The following IQCH variants were observed in gnomAD, a reference collection of about 807,000 sequenced individuals.
IQCH encodes the protein IQ motif containing H.
A neutral mutation model predicts 117.0 loss-of-function variants in IQCH; 98 were observed. The observed-to-expected ratio is 0.84, with a 90% CI of 0.71 to 0.99. The LOEUF (loss-of-function observed/expected upper bound fraction) is 0.99, where lower values mean the gene tolerates loss of function less well. IQCH is among the 50% of genes least tolerant of loss of function. IQCH has a pLI of 0.00. For missense variants in IQCH, 1,102 were observed against 1,243.8 expected (o/e 0.89, Z 1.72); for synonymous variants, 412 against 448.2 (o/e 0.92, Z 1.02).
chr15:67,469,171 T>C (rs2083009220), intron 17 of IQCH, among the ~76,000 whole-genome samples: 1 of 152,054 alleles, frequency 6.6e-6, no homozygotes, highest in Non-Finnish European at 1.5e-5. Context: ...ACCTCTGAAA[T>C]TCCCACCTAT....
intron 4 of IQCH, among the ~76,000 whole-genome samples, chr15:67,323,166 A>G (rs1968222138): frequency 1.3e-5 from 2 of 148,622 alleles, no homozygotes; most frequent in Non-Finnish European, 1.5e-5. Context: ...TATCACAACT[A>G]TCTTTCTATT....
chr15:67,292,841 G>T (rs1392715126), intron 4 of IQCH, among the ~76,000 whole-genome samples: 1 of 152,052 alleles, frequency 6.6e-6, no homozygotes, highest in African/African-American at 2.4e-5. Context: ...TATTTAGATT[G>T]CCCCAGTTAT....
chr15:67,261,191 T>G, intron 1 of IQCH, 81 bp from the exon 2 acceptor site: 1 of 1,014,580 alleles, frequency 9.9e-7, no homozygotes, highest in Non-Finnish European at 1.4e-6. Context: ...TCAAGTACAT[T>G]GCAAACCTTT....
intron 16 of IQCH, among the ~76,000 whole-genome samples, chr15:67,434,340 T>C (rs2082082781): frequency 6.6e-6 from 1 of 152,226 alleles, no homozygotes; most frequent in African/African-American, 2.4e-5. Flanking sequence ...TATTTGTCTT[T>C]CTGTGTCTGG....
Position 67,393,647 on chromosome 15 carries a change from G to A in IQCH, c.1633-1644G>A, listed in dbSNP as rs975506083. ...GCAATTCTCCTGCCTCAGGCTTTTA[G>A]TAGCTGGGACCACAGGTGTGTACCA... On this transcript the variant is annotated intron_variant, in intron 12 of 20. Transcript: ENST00000335894. This position sits in a 1 kb window ranked among gnomAD's most constrained non-coding sequence, Gnocchi z 5.5. Among the ~76,000 whole-genome samples, 10 of 151,914 alleles carry A rather than the reference G, an allele frequency of 6.6e-5. No homozygotes were observed. Among genetic ancestry groups the A allele is most frequent in the Non-Finnish European group, 1.3e-4 (9 of 67,982 alleles).
At chr15:67,284,778 AT>A (rs1966497805) in intron 4 of IQCH, among the ~76,000 whole-genome samples, 1 of 152,066 alleles carries the variant, frequency 6.6e-6, no homozygotes. Context: ...TCCCTGCAAA[AT>A]ACATGGTCTC....
At chr15:67,266,174 T>C (rs1021137834) in intron 3 of IQCH, among the ~76,000 whole-genome samples, 2 of 150,592 alleles carry the variant, frequency 1.3e-5, no homozygotes, top group African/African-American at 4.9e-5. Flanking sequence ...GTGAATACAT[T>C]ATAAAATGTA....
At position 67,476,085 on chromosome 15, in the gene IQCH, G is replaced by A. The variant is rs2083195736; in HGVS notation, c.2799+267G>A. On this transcript the variant is annotated intron_variant, in intron 18 of 20. Coordinates refer to ENST00000335894, the MANE Select transcript of IQCH (RefSeq NM_001031715.3). The surrounding 1 kb of genome is among the most constrained non-coding windows in gnomAD (Gnocchi z 4.1). ...CCATGCAAGCTCTCCAGACTTAGGAGGCATTTTGGGGACCACCTCATGATC... is the reference window on the plus strand; with the variant it reads ...CCATGCAAGCTCTCCAGACTTAGGAAGCATTTTGGGGACCACCTCATGATC... Among the ~76,000 whole-genome samples the A allele has an allele frequency of 6.6e-6, 1 of 152,228 alleles. No individual in the cohort carries two copies.
intron 14 of IQCH, among the ~76,000 whole-genome samples, chr15:67,410,210 T>G (rs1280348676): frequency 1.3e-5 from 2 of 152,212 alleles, no homozygotes; most frequent in African/African-American, 2.4e-5. Flanking sequence ...AAGTTTCAAG[T>G]AACAGAAAAC....
intron 17 of IQCH, among the ~76,000 whole-genome samples, chr15:67,470,478 G>A (rs780282333): frequency 2.6e-5 from 4 of 152,042 alleles, no homozygotes; most frequent in Non-Finnish European, 5.9e-5. Context: ...GCGCCTGGCT[G>A]GAGTCTTAGA....
chr15:67,279,278 C>A (rs1004446963), intron 3 of IQCH, 117 bp from the exon 4 acceptor site: 22 of 614,072 alleles, frequency 3.6e-5, no homozygotes, highest in Admixed American at 6.6e-5. Flanking sequence ...TTGTAATTAC[C>A]AATAGAATAT....
At chr15:67,440,890 A>C (rs995052824) in intron 16 of IQCH, among the ~76,000 whole-genome samples, 1 of 152,134 alleles carries the variant, frequency 6.6e-6, no homozygotes, top group Non-Finnish European at 1.5e-5. Flanking sequence ...GAAAGAAATA[A>C]AGGGCATCCA....
Position 67,457,021 on chromosome 15 carries a change from A to T in IQCH, c.2506-8106A>T, listed in dbSNP as rs2082673914. Among the ~76,000 whole-genome samples, 1 of 152,196 alleles carries T rather than the reference A, an allele frequency of 6.6e-6. No homozygotes were observed. The highest frequency in any genetic ancestry group is 6.5e-5 in the Admixed American group (1 of 15,280). On this transcript the variant is annotated intron_variant, in intron 16 of 20. Coordinates refer to ENST00000335894, the MANE Select transcript of IQCH (RefSeq NM_001031715.3). This position sits in a 1 kb window ranked among gnomAD's most constrained non-coding sequence, Gnocchi z 5.7. Reference sequence around the variant, plus strand: ...GACAGAGGGGAAGGCCTCTAAGCTGAAAACCAAGAGGCTCAATTGCTGACC... The same window carrying T: ...GACAGAGGGGAAGGCCTCTAAGCTGTAAACCAAGAGGCTCAATTGCTGACC...
intron 4 of IQCH, among the ~76,000 whole-genome samples, chr15:67,334,145 G>T (rs1968789120): frequency 6.6e-6 from 1 of 152,040 alleles, no homozygotes. Flanking sequence ...TGAGAAACTA[G>T]CTAGAAGGGA....
At chr15:67,289,894 C>T (rs1442377924) in intron 4 of IQCH, among the ~76,000 whole-genome samples, 1 of 152,040 alleles carries the variant, frequency 6.6e-6, no homozygotes, top group Non-Finnish European at 1.5e-5. Flanking sequence ...ATATATTACA[C>T]AAACTTTCAT....
intron 16 of IQCH, among the ~76,000 whole-genome samples, chr15:67,451,301 T>G (rs1384894021): frequency 6.6e-6 from 1 of 152,186 alleles, no homozygotes; most frequent in Non-Finnish European, 1.5e-5. Context: ...TTCTAGTTCT[T>G]TTAATTGTGA....
At position 67,369,159 on chromosome 15, in the gene IQCH, AT is replaced by A. The variant is rs1209345261; in HGVS notation, c.754-2949del. On this transcript the variant is annotated intron_variant, in intron 8 of 20. Coordinates refer to ENST00000335894, the MANE Select transcript of IQCH (RefSeq NM_001031715.3). The surrounding 1 kb of genome is among the most constrained non-coding windows in gnomAD (Gnocchi z 5.2). Reference sequence around the variant, plus strand: ...CCTGCTTTCCTGTTTTTTGTTTTGGATTTAGAATTTTGCCTAAATAACTGCT... The same window carrying A: ...CCTGCTTTCCTGTTTTTTGTTTTGGATTAGAATTTTGCCTAAATAACTGCT... Among the ~76,000 whole-genome samples the A allele has an allele frequency of 1.3e-5, 2 of 152,092 alleles. No homozygotes were observed. The highest frequency in any genetic ancestry group is 2.9e-5 in the Non-Finnish European group (2 of 67,998).
At chr15:67,339,940 T>A (rs1969066695) in intron 5 of IQCH, among the ~76,000 whole-genome samples, 1 of 152,218 alleles carries the variant, frequency 6.6e-6, no homozygotes, top group Admixed American at 6.5e-5. Context: ...AGATTTCAAC[T>A]GCAGGACCTA....
chr15:67,295,728 T>A (rs1009718596), intron 4 of IQCH, among the ~76,000 whole-genome samples: 2 of 152,230 alleles, frequency 1.3e-5, no homozygotes, highest in African/African-American at 4.8e-5. Context: ...CCTAACTAAA[T>A]GCATCAGTCT....
Sources: allele counts gnomAD v4.1 joint callset (sites outside exome capture counted in the v4.1 genomes callset), GRCh38; gene constraint gnomAD v4.1.1; non-coding constraint Gnocchi (gnomAD v3.1); transcripts MANE v1.5; gene names NCBI Gene and HGNC (gene_info 2026-07-23, HGNC 2026-07-21).